TPO: variants seen among roughly 807,000 people sequenced by gnomAD.
The protein encoded by TPO is thyroid peroxidase.
In TPO, 78 loss-of-function variants were observed where a neutral mutation model predicts 96.9. That is an observed-to-expected ratio of 0.81 (90% CI 0.67 to 0.97). The LOEUF is 0.97. Among genes scored for constraint, TPO ranks in the 50% least tolerant of loss-of-function variants. The probability of loss-of-function intolerance (pLI) is 0.00; values close to 1 mark genes in which losing one functional copy is unlikely to be tolerated. For missense variants in TPO, 1,252 were observed against 1,274.8 expected, an observed-to-expected ratio of 0.98 and a Z score of 0.27; for synonymous variants, 547 against 538.0, an observed-to-expected ratio of 1.02 and a Z score of -0.23.
chr2:1,442,615 A>G (rs1366318564), intron 5 of TPO, among the ~76,000 whole-genome samples: 1 of 152,216 alleles, frequency 6.6e-6, no homozygotes, highest in African/African-American at 2.4e-5. Flanking sequence ...GAAAGTGCTC[A>G]CATTCCCATG....
intron 5 of TPO, among the ~76,000 whole-genome samples, chr2:1,443,758 AGG>A (rs1390417242): frequency 0.47 from 44,127 of 94,212 alleles, 13,467 homozygotes; most frequent in Admixed American, 0.6. Context: ...CCATGTTGGA[AGG>A]GAATGGGGCA....
rs189797029 is a variant in TPO, at chr2:1,521,204, G to A, written c.2618+4222G>A. ...TTTCCAGCAAATCCATGGGAAAGCC[G>A]CGAGGTCCTTCCCTAGGATGCAGCC... On this transcript the variant is annotated intron_variant, in intron 15 of 16. Transcript: ENST00000329066. Among the ~76,000 whole-genome samples the A allele has an allele frequency of 3.7e-4, 57 of 152,280 alleles. No individual in the cohort carries two copies. In the East Asian group the frequency reaches 9.5e-3, roughly 25 times the overall value.
chr2:1,525,072 C>G (rs1408267587), intron 15 of TPO, among the ~76,000 whole-genome samples: 1 of 114,882 alleles, frequency 8.7e-6, no homozygotes, highest in Non-Finnish European at 1.8e-5. Context: ...TGTGTGCAAC[C>G]CCCCCAAATC....
chr2:1,453,794 T>C lies in TPO; in HGVS notation c.583T>C (p.Phe195Leu), dbSNP rs1312778352. Residue 195 changes from phenylalanine to leucine, a missense_variant, in exon 6 of 17, where the codon TTC becomes CTC. Coordinates refer to ENST00000329066, the MANE Select transcript of TPO (RefSeq NM_001206744.2). ...FSQPRGWNPG[F>L]LYNGFPLPPV... ...TCAGCCCCGAGGCTGGAACCCCGGC[T>C]TCTTGTACAACGGGTTCCCACTGCC... is the stretch of plus-strand genomic sequence containing the variant. The C allele has an allele frequency of 1.9e-6, 3 of 1,613,838 alleles. No homozygotes were observed. Among genetic ancestry groups the C allele is most frequent in the Non-Finnish European group, 2.5e-6 (3 of 1,180,024 alleles).
chr2:1,525,919 C>G (rs76184773), intron 15 of TPO, among the ~76,000 whole-genome samples: 1,012 of 66,294 alleles, frequency 0.015, no homozygotes, highest in South Asian at 0.028. Flanking sequence ...TCAAATCCCC[C>G]CACTGTGCGC....
rs79379611 is a variant in TPO, at chr2:1,396,649, G to A, written n.180+22247G>A. Among the ~76,000 whole-genome samples the A allele has an allele frequency of 7.8e-3, 1,191 of 152,238 alleles. 32 individuals are homozygous for A. Among genetic ancestry groups the A allele is most frequent in the East Asian group, 0.072 (371 of 5,174 alleles). On this transcript the variant is annotated intron_variant and non_coding_transcript_variant, in intron 1 of 5. Transcript: ENST00000497517. ...CCTCAGATGCGTGAGGATGGGCATC[G>A]CGTCACGGGGAGACAGTCTCATCCC... is the stretch of plus-strand genomic sequence containing the variant.
chr2:1,483,822 A>G (rs915748059), intron 8 of TPO, among the ~76,000 whole-genome samples: 4 of 152,234 alleles, frequency 2.6e-5, no homozygotes, highest in Non-Finnish European at 4.4e-5. Context: ...GTCTCCCTGA[A>G]GGGCCAAATT....
intron 1 of TPO, among the ~76,000 whole-genome samples, chr2:1,384,443 A>G (rs1346498976): frequency 3.3e-5 from 5 of 152,022 alleles, no homozygotes; most frequent in Non-Finnish European, 7.4e-5. Flanking sequence ...TGTAAGTTGG[A>G]TTCCTAGGTA....
At chr2:1,527,478 TC>T (rs565351145) in intron 15 of TPO, among the ~76,000 whole-genome samples, 38 of 132,720 alleles carry the variant, frequency 2.9e-4, no homozygotes, top group Middle Eastern at 0.011. Flanking sequence ...CCTCCTCAAA[TC>T]CCCCCATCTG....
chr2:1,394,416 A>C (rs1379816287), intron 1 of TPO, among the ~76,000 whole-genome samples: 2 of 152,160 alleles, frequency 1.3e-5, no homozygotes, highest in Non-Finnish European at 2.9e-5. Context: ...CAAGACCTCA[A>C]AATACGGGCT....
intron 7 of TPO, among the ~76,000 whole-genome samples, chr2:1,476,839 G>T (rs182556359): frequency 6.7e-6 from 1 of 150,120 alleles, no homozygotes; most frequent in Non-Finnish European, 1.5e-5. Context: ...AGAGACCACC[G>T]GTGAGCAGGC....
intron 10 of TPO, among the ~76,000 whole-genome samples, chr2:1,493,210 G>GGGGGC (rs1553321285): frequency 1.5e-5 from 1 of 65,232 alleles, no homozygotes; most frequent in Non-Finnish European, 3.1e-5. Context: ...GTGAGTGGGT[G>GGGGGC]GGGGGGGGGG....
chr2:1,503,874 A>G, intron 13 of TPO, 74 bp from the exon 14 acceptor site: 1 of 1,612,810 alleles, frequency 6.2e-7, no homozygotes, highest in Non-Finnish European at 8.5e-7. Flanking sequence ...AGCACCTCCC[A>G]GAACGGGGGT....
At chr2:1,398,410 C>T (rs1395168844) in intron 1 of TPO, among the ~76,000 whole-genome samples, 3 of 152,234 alleles carry the variant, frequency 2.0e-5, no homozygotes, top group Admixed American at 2.0e-4. Flanking sequence ...CAGACACCCA[C>T]ACCCCACGCC....
intron 15 of TPO, among the ~76,000 whole-genome samples, chr2:1,530,910 C>G (rs1677996032): frequency 1.1e-5 from 1 of 89,782 alleles, no homozygotes; most frequent in East Asian, 3.8e-4. Flanking sequence ...CTCCCCAAAT[C>G]CCCCCCACTC....
At chr2:1,461,929 C>T (rs1573291831) in intron 7 of TPO, among the ~76,000 whole-genome samples, 1 of 152,178 alleles carries the variant, frequency 6.6e-6, no homozygotes, top group African/African-American at 2.4e-5. Flanking sequence ...CCGGGGGGTC[C>T]GGGCACTGGC....
At position 1,493,972 on chromosome 2, in the gene TPO, G is replaced by A; in HGVS notation, c.1939G>A (p.Ala647Thr). ...GGLAENFLPR[A>T]RTGPLFACLI... is the part of the protein sequence containing the mutation. ...CTTAGCTGAAAACTTCCTCCCCAGGGCTCGGACAGGGCCCCTGTTTGCCTG... is the reference window on the plus strand; with the variant it reads ...CTTAGCTGAAAACTTCCTCCCCAGGACTCGGACAGGGCCCCTGTTTGCCTG... The change falls in exon 11 of 17, where the codon GCT (alanine) becomes ACT (threonine). Residue 647 changes from alanine (A) to threonine (T), a missense_variant. By Grantham distance (58) the Ala-to-Thr change is moderately conservative. Transcript: ENST00000329066. 1 of 1,614,176 alleles carries A rather than the reference G, an allele frequency of 6.2e-7. No homozygotes were observed. The highest frequency in any genetic ancestry group is 8.5e-7 in the Non-Finnish European group (1 of 1,180,030).
In TPO at chr2:1,493,791, C is replaced by T; in HGVS notation, c.1769-11C>T. 1.2e-6 allele frequency: 2 copies of T among 1,613,786 alleles called. No individual in the cohort carries two copies. Among genetic ancestry groups the T allele is most frequent in the Non-Finnish European group, 1.7e-6 (2 of 1,179,716 alleles). On this transcript the variant is annotated splice_polypyrimidine_tract_variant and intron_variant, in intron 10 of 16. Coordinates refer to ENST00000329066, the MANE Select transcript of TPO (RefSeq NM_001206744.2). ...CTGTGAGAGAAACCCTGCAGCCTCT[C>T]CCCTGTGCAGGTTACAATGAGTGGA...
In TPO at chr2:1,427,644, C is replaced by T. The variant is rs564984604; in HGVS notation, c.179+4515C>T. Among the ~76,000 whole-genome samples, 63 of 152,306 alleles carry T rather than the reference C, an allele frequency of 4.1e-4. 1 individual carries two copies. Among genetic ancestry groups the T allele is most frequent in the Admixed American group, 2.4e-3 (36 of 15,298 alleles). ...TCTCCGCTTCATAATTTTATAATTT[C>T]GGCATGGACAGAAGAAGCGTCTGCA... On this transcript the variant is annotated intron_variant, in intron 3 of 16. Transcript: ENST00000329066.
Sources: gnomAD v4.1 joint callset for allele counts (sites outside exome capture counted in the v4.1 genomes callset) on GRCh38, gnomAD v4.1.1 for gene constraint, MANE v1.5 for transcripts, NCBI Gene and HGNC (gene_info 2026-07-23, HGNC 2026-07-21) for gene names.